Variants in PPIP5K1 observed in about 807,000 individuals in gnomAD.
The protein encoded by PPIP5K1 is inositol hexakisphosphate and diphosphoinositol-pentakisphosphate kinase 1.
Under a neutral mutation model 27.7 loss-of-function variants are expected in PPIP5K1, and 6 were observed. The observed-to-expected ratio is 0.22, with a 90% CI of 0.12 to 0.43. The LOEUF (loss-of-function observed/expected upper bound fraction) is 0.43, where lower values mean the gene tolerates loss of function less well. PPIP5K1 is among the 20% of genes least tolerant of loss of function. The pLI is 1.00. For synonymous variants in PPIP5K1, 145 were observed against 242.6 expected (o/e 0.60, Z 3.74); for missense variants, 394 against 635.4 (o/e 0.62, Z 4.08).
intron 30 of PPIP5K1, among the ~76,000 whole-genome samples, chr15:43,547,997 T>C (rs998083475): frequency 5.3e-5 from 8 of 152,208 alleles, no homozygotes; most frequent in African/African-American, 1.9e-4. Context: ...CCTTTCCATT[T>C]ATATAGGTCC....
At chr15:43,551,606 G>GTTT (rs1293557795) in intron 30 of PPIP5K1, among the ~76,000 whole-genome samples, 1 of 105,462 alleles carries the variant, frequency 9.5e-6, no homozygotes, top group Non-Finnish European at 1.7e-5. Context: ...TCTTGATTCA[G>GTTT]TTTTTTTTTT....
chr15:43,553,860 T>C (rs1289251440), intron 30 of PPIP5K1, among the ~76,000 whole-genome samples: 3 of 152,044 alleles, frequency 2.0e-5, no homozygotes, highest in Non-Finnish European at 4.4e-5. Flanking sequence ...TTAGCCAGGA[T>C]GGTCTCAATC....
intron 30 of PPIP5K1, among the ~76,000 whole-genome samples, chr15:43,550,665 C>T (rs564588297): frequency 7.9e-5 from 12 of 152,180 alleles, no homozygotes; most frequent in South Asian, 4.1e-4. Context: ...TGGTTGAAGC[C>T]GGCATTCTTG....
chr15:43,551,353 A>T (rs901968527), intron 30 of PPIP5K1, among the ~76,000 whole-genome samples: 2 of 151,752 alleles, frequency 1.3e-5, no homozygotes, highest in Non-Finnish European at 2.9e-5. Flanking sequence ...CCCCGTCTCT[A>T]CTAAAAATAC....
chr15:43,550,871 TTC>T (rs1469907695), intron 30 of PPIP5K1, among the ~76,000 whole-genome samples: 1 of 152,262 alleles, frequency 6.6e-6, no homozygotes, highest in African/African-American at 2.4e-5. Context: ...CTGTGTTTTT[TTC>T]TCTCTTTCTA....
intron 30 of PPIP5K1, among the ~76,000 whole-genome samples, chr15:43,541,812 T>C (rs2080762791): frequency 6.6e-6 from 1 of 152,180 alleles, no homozygotes; most frequent in Non-Finnish European, 1.5e-5. Flanking sequence ...TGGACTTGTC[T>C]AATTGTTTCC....
chr15:43,540,833 C>T (rs1291135009), intron 30 of PPIP5K1, among the ~76,000 whole-genome samples: 2 of 136,362 alleles, frequency 1.5e-5, no homozygotes. Flanking sequence ...CTGCACTCTA[C>T]CATGGGCGAC....
At chr15:43,544,275 T>C (rs1375618930) in intron 30 of PPIP5K1, among the ~76,000 whole-genome samples, 1 of 152,202 alleles carries the variant, frequency 6.6e-6, no homozygotes, top group Non-Finnish European at 1.5e-5. Flanking sequence ...ATAGGTAACA[T>C]ACTATTAACA....
At chr15:43,550,301 A>AATTT (rs1447086232) in intron 30 of PPIP5K1, among the ~76,000 whole-genome samples, 3 of 151,800 alleles carry the variant, frequency 2.0e-5, no homozygotes, top group East Asian at 1.9e-4. Flanking sequence ...ATGCCTGGCT[A>AATTT]ATTTATTTAT....
Position 43,534,341 on chromosome 15 carries a change from A to T in PPIP5K1, c.*333T>A. 2 of 210,966 alleles carry T rather than the reference A, an allele frequency of 9.5e-6. No homozygotes were observed. Among genetic ancestry groups the T allele is most frequent in the South Asian group, 1.7e-4 (1 of 5,860 alleles). The allele number at this position is 210,966 out of a possible 1,614,324, so 13.1% of individuals were successfully genotyped here. A position where few individuals can be genotyped will look rare whatever the true frequency, so the allele number is the denominator to read the frequency against. Reference sequence around the variant, plus strand: ...CCTATTCAAGTCTAATGGCTAAGTGAGGAGCCAATGGCTTCTTCGAACCTA... The same window carrying T: ...CCTATTCAAGTCTAATGGCTAAGTGTGGAGCCAATGGCTTCTTCGAACCTA... On this transcript the variant is annotated 3_prime_UTR_variant, in exon 32 of 32. Transcript: ENST00000420765.
chr15:43,539,469 C>T lies in PPIP5K1; in HGVS notation c.3670+1G>A, dbSNP rs774742373. ...TAGGCAGTTCCAAAAGGATTACTTA[C>T]ACCAAGGGGGCTTCTCAGAGCGCTG... On this transcript the variant is annotated splice_donor_variant, in intron 31 of 31. Coordinates refer to ENST00000420765, the MANE Select transcript of PPIP5K1 (RefSeq NM_001394395.1). LOFTEE classifies it high-confidence loss of function. 1 of 1,567,288 alleles carries T rather than the reference C, an allele frequency of 6.4e-7. No individual in the cohort carries two copies. Among genetic ancestry groups the T allele is most frequent in the East Asian group, 2.2e-5 (1 of 44,570 alleles).
intron 30 of PPIP5K1, among the ~76,000 whole-genome samples, chr15:43,546,157 G>C (rs1942597999): frequency 6.6e-6 from 1 of 152,072 alleles, no homozygotes; most frequent in South Asian, 2.1e-4. Flanking sequence ...TTTGTGTTTG[G>C]TTTCTTGCAT....
intron 10 of PPIP5K1, among the ~76,000 whole-genome samples, chr15:43,579,631 G>GTGTGTGTGTGTGTA (rs1310083869): frequency 2.8e-5 from 1 of 35,716 alleles, no homozygotes; most frequent in Non-Finnish European, 3.9e-5. Flanking sequence ...GTGTGTGTGT[G>GTGTGTGTGTGTGTA]TATATATATA....
intron 30 of PPIP5K1, among the ~76,000 whole-genome samples, chr15:43,545,203 A>G (rs575516432): frequency 6.6e-6 from 1 of 151,672 alleles, no homozygotes; most frequent in African/African-American, 2.4e-5. Flanking sequence ...AAAGTGGATT[A>G]TTGGATCAGA....
At chr15:43,559,325 G>A (rs979747671) in intron 29 of PPIP5K1, among the ~76,000 whole-genome samples, 4 of 152,196 alleles carry the variant, frequency 2.6e-5, no homozygotes, top group Non-Finnish European at 5.9e-5. Context: ...AGATAGGGAG[G>A]TCAGGGAGCT....
chr15:43,535,058 G>C lies in PPIP5K1; in HGVS notation c.4089C>G (p.Ile1363Met). 1 of 1,613,754 alleles carries C rather than the reference G, an allele frequency of 6.2e-7. No homozygotes were observed. Among genetic ancestry groups the C allele is most frequent in the Non-Finnish European group, 8.5e-7 (1 of 1,179,910 alleles). ...GGCTGGACTTCTGGCATGGCTGGCT[G>C]ATGTGAGGGACCTCCTGGCATGTGT... ...GNHTCQEVPHISQPCQKSSQL... is the reference protein window; with the variant it reads ...GNHTCQEVPHMSQPCQKSSQL... The change falls in exon 32 of 32, where the codon ATC becomes ATG. Residue 1363 changes from isoleucine to methionine, a missense_variant. By Grantham distance (10) the Ile-to-Met change is conservative. Around this residue, in one of 4 missense-constraint regions of PPIP5K1, gnomAD observed 379 missense variants for 423.9 expected, o/e 0.89. Transcript: ENST00000420765.
chr15:43,540,294 G>T (rs1301122513), intron 30 of PPIP5K1, among the ~76,000 whole-genome samples: 1 of 151,850 alleles, frequency 6.6e-6, no homozygotes, highest in African/African-American at 2.4e-5. Context: ...GCTGGGTGTG[G>T]TGGCTCATGC....
In PPIP5K1 at chr15:43,558,884, A is replaced by G. The variant is rs1291540448; in HGVS notation, c.3467T>C (p.Leu1156Pro). 6.2e-7 allele frequency: 1 copy of G among 1,614,014 alleles called. No individual in the cohort carries two copies. The highest frequency in any genetic ancestry group is 8.5e-7 in the Non-Finnish European group (1 of 1,179,998). Reference protein sequence around the residue: ...MVPTIYPLETLHNALSLRQVS... With the variant: ...MVPTIYPLETPHNALSLRQVS... ...TTGACGTAGGGAAAGGGCATTATGC[A>G]GTGTTTCCAGAGGGTAGATGGTAGG... Residue 1156 changes from leucine to proline, a missense_variant, in exon 30 of 32, where the codon CTG becomes CCG. Coordinates refer to ENST00000420765, the MANE Select transcript of PPIP5K1 (RefSeq NM_001394395.1).
intron 30 of PPIP5K1, among the ~76,000 whole-genome samples, chr15:43,557,883 C>T (rs886711742): frequency 2.1e-5 from 3 of 141,976 alleles, no homozygotes; most frequent in Admixed American, 7.3e-5. Flanking sequence ...GTTGCACAGG[C>T]TAGTCTTGAA....
Sources: gnomAD v4.1 joint callset for allele counts (sites outside exome capture counted in the v4.1 genomes callset) on GRCh38, gnomAD v4.1.1 for gene constraint, gnomAD v4.1.1 regional missense constraint, MANE v1.5 for transcripts, NCBI Gene and HGNC (gene_info 2026-07-23, HGNC 2026-07-21) for gene names.